RPS8: variants seen among roughly 807,000 people sequenced by gnomAD.
The protein encoded by RPS8 is small ribosomal subunit protein eS8.
For missense variants in RPS8, 141 were observed against 269.7 expected, an observed-to-expected ratio of 0.52 and a Z score of 3.34; for synonymous variants, 100 against 100.7, an observed-to-expected ratio of 0.99 and a Z score of 0.04.
At chr1:44,775,752 C>T (rs1335665296) in intron 1 of RPS8, 152 bp downstream of exon 1, 8 of 1,089,488 alleles carry the variant, frequency 7.3e-6, no homozygotes, top group Non-Finnish European at 9.8e-6. Context: ...GGCCGCCCAG[C>T]CCGTCTCTGG....
Position 44,778,740 on chromosome 1 carries a change from AT to A in RPS8, c.*58del. 2 of 1,208,716 alleles carry A rather than the reference AT, an allele frequency of 1.7e-6. No individual in the cohort carries two copies. Among genetic ancestry groups the A allele is most frequent in the Non-Finnish European group, 2.4e-6 (2 of 843,740 alleles). The allele number at this position is 1,208,716 out of a possible 1,614,324, so 74.9% of individuals were successfully genotyped here. A position where few individuals can be genotyped will look rare whatever the true frequency, so the allele number is the denominator to read the frequency against. ...AAGGTGTTTATTGTTTTGTTCCCAC[AT>A]TTATGTTGCCTGAATATATGACTGT... On this transcript the variant is annotated 3_prime_UTR_variant, in exon 6 of 6. Coordinates refer to ENST00000396651, the MANE Select transcript of RPS8 (RefSeq NM_001012.2).
At chr1:44,778,382 G>C in intron 5 of RPS8, 194 bp from the exon 6 acceptor site, 1 of 798,864 alleles carries the variant, frequency 1.3e-6, no homozygotes, top group Non-Finnish European at 2.3e-6. Context: ...CCCAGGCTGA[G>C]GGGGCTGTCT....
intron 3 of RPS8, chr1:44,777,067 G>A: frequency 3.2e-6 from 1 of 311,540 alleles, no homozygotes; most frequent in Non-Finnish European, 6.0e-6. Context: ...CTCCACCCAG[G>A]CTGTCCTGCT....
chr1:44,777,169 T>C, intron 3 of RPS8: 1 of 212,776 alleles, frequency 4.7e-6, no homozygotes, highest in Non-Finnish European at 9.5e-6. Context: ...CCTCCTGGGT[T>C]GAAGTGATTC....
At chr1:44,776,608 A>C in intron 2 of RPS8, 67 bp from the exon 3 acceptor site, 2 of 1,337,946 alleles carry the variant, frequency 1.5e-6, no homozygotes, top group Non-Finnish European at 2.2e-6. Flanking sequence ...CTCCCGGCCC[A>C]GGTTCCTCTC....
rs184816863 is a variant in RPS8, at chr1:44,776,628, C to A, written c.112-47C>A. 4,055 of 1,541,232 alleles carry A rather than the reference C, an allele frequency of 2.6e-3. 7 individuals are homozygous for A. Among genetic ancestry groups the A allele is most frequent in the Non-Finnish European group, 3.3e-3 (3,645 of 1,113,626 alleles). ...GGCCCAGGTTCCTCTCCCTCACTTGCCTTGCTCTCCTTGGTAACCTAGTTC... is the reference window on the plus strand; with the variant it reads ...GGCCCAGGTTCCTCTCCCTCACTTGACTTGCTCTCCTTGGTAACCTAGTTC... On this transcript the variant is annotated intron_variant, in intron 2 of 5. Coordinates refer to ENST00000396651, the MANE Select transcript of RPS8 (RefSeq NM_001012.2).
rs1207528311 is a variant in RPS8, at chr1:44,776,027, C to T, written c.5-7C>T. 1 of 1,612,694 alleles carries T rather than the reference C, an allele frequency of 6.2e-7. No homozygotes were observed. Among genetic ancestry groups the T allele is most frequent in the Non-Finnish European group, 8.5e-7 (1 of 1,179,204 alleles). On this transcript the variant is annotated splice_polypyrimidine_tract_variant and splice_region_variant and intron_variant, in intron 1 of 5. Coordinates refer to ENST00000396651, the MANE Select transcript of RPS8 (RefSeq NM_001012.2). ...GCTCAAGCTTCCTTCCCCGCTTCCA[C>T]ATGCAGGCATCTCTCGGGACAACTG...
chr1:44,778,289 G>A (rs1040037471), intron 5 of RPS8, 160 bp downstream of exon 5: 59 of 942,396 alleles, frequency 6.3e-5, no homozygotes, highest in East Asian at 3.9e-4. Context: ...CACCCTATTC[G>A]TATGAAGCTG....
At position 44,778,636 on chromosome 1, in the gene RPS8, A is replaced by G; in HGVS notation, c.578A>G (p.Lys193Arg). The G allele has an allele frequency of 6.2e-7, 1 of 1,613,532 alleles. No homozygotes were observed. Reference protein sequence around the residue: ...GRADGYVLEGKELEFYLRKIK... With the variant: ...GRADGYVLEGRELEFYLRKIK... ...GCAGATGGCTATGTGCTAGAGGGCAAAGAGTTGGAGTTCTATCTTAGGAAA... is the reference window on the plus strand; with the variant it reads ...GCAGATGGCTATGTGCTAGAGGGCAGAGAGTTGGAGTTCTATCTTAGGAAA... The change falls in exon 6 of 6, where the codon AAA (lysine) becomes AGA (arginine). Residue 193 changes from lysine (K) to arginine (R), a missense_variant. Lys to Arg is a conservative substitution (Grantham distance 26, BLOSUM62 2). Transcript: ENST00000396651.
chr1:44,777,245 A>AT (rs529075784), intron 3 of RPS8: 20 of 221,436 alleles, frequency 9.0e-5, no homozygotes, highest in Admixed American at 7.9e-4. Context: ...CTGCTTCTGT[A>AT]TTTTTAGTAG....
At position 44,778,092 on chromosome 1, in the gene RPS8, T is replaced by C. The variant is rs746530760; in HGVS notation, c.480T>C (p.Ser160=). The C allele has an allele frequency of 6.2e-7, 1 of 1,603,414 alleles. No homozygotes were observed. Among genetic ancestry groups the C allele is most frequent in the South Asian group, 1.1e-5 (1 of 90,016 alleles). The change falls in exon 5 of 6, where the codon AGT becomes AGC. Residue 160 remains serine (S), a synonymous_variant. Transcript: ENST00000396651. ...GGAAAAAGAATGCCAAAATCAGCAG[T>C]CTCCTGGAGGAGCAGTTCCAGCAGG... The part of the protein sequence containing the change: ...DERKKNAKIS[S]LLEEQFQQGK...
Position 44,777,596 on chromosome 1 carries a change from A to C in RPS8, c.212-18A>C. 1.2e-6 allele frequency: 2 copies of C among 1,607,418 alleles called. No individual in the cohort carries two copies. Among genetic ancestry groups the C allele is most frequent in the Non-Finnish European group, 1.7e-6 (2 of 1,175,114 alleles). On this transcript the variant is annotated intron_variant, in intron 3 of 5. Transcript: ENST00000396651. ...TTGTCCTCCAGTTTACTTGATGCCA[A>C]ATTTCTCCTGTGAGCAGGTTGTACT... is the stretch of plus-strand genomic sequence containing the variant.
At chr1:44,778,509 A>T in intron 5 of RPS8, 67 bp from the exon 6 acceptor site, 1 of 1,269,830 alleles carries the variant, frequency 7.9e-7, no homozygotes, top group Non-Finnish European at 1.2e-6. Context: ...AGAGATTCTT[A>T]AGCGGGTGGA....
intron 2 of RPS8, 30 bp downstream of exon 2, chr1:44,776,170 G>T (rs751388135): frequency 1.3e-6 from 2 of 1,506,728 alleles, no homozygotes; most frequent in African/African-American, 1.4e-5. Context: ...TGTCCGCCTG[G>T]GAGGTCGCCT....
chr1:44,778,640 G>A lies in RPS8; in HGVS notation c.582G>A (p.Glu194=), dbSNP rs1471259800. 6.2e-7 allele frequency: 1 copy of A among 1,613,420 alleles called. No individual in the cohort carries two copies. The highest frequency in any genetic ancestry group is 1.1e-5 in the South Asian group (1 of 91,054). Residue 194 remains glutamate, a synonymous_variant, in exon 6 of 6, where the codon GAG becomes GAA. Coordinates refer to ENST00000396651, the MANE Select transcript of RPS8 (RefSeq NM_001012.2). ...ATGGCTATGTGCTAGAGGGCAAAGAGTTGGAGTTCTATCTTAGGAAAATCA... is the reference window on the plus strand; with the variant it reads ...ATGGCTATGTGCTAGAGGGCAAAGAATTGGAGTTCTATCTTAGGAAAATCA... ...RADGYVLEGK[E]LEFYLRKIKA... is the part of the protein sequence containing the mutation.
chr1:44,778,396 T>C lies in RPS8; in HGVS notation c.518-180T>C, dbSNP rs1228737098. ...GCCCAGGCTGAGGGGGCTGTCTCAGTGATGAAAACTTTGTCCAGTTCTGCT... is the reference window on the plus strand; with the variant it reads ...GCCCAGGCTGAGGGGGCTGTCTCAGCGATGAAAACTTTGTCCAGTTCTGCT... On this transcript the variant is annotated intron_variant, in intron 5 of 5. Transcript: ENST00000396651. 6 of 805,890 alleles carry C rather than the reference T, an allele frequency of 7.4e-6. No homozygotes were observed. The South Asian group carries it at 8.1e-5, about 11-fold the overall frequency. 49.9% of individuals were successfully genotyped at this position (805,890 alleles called of 1,614,324 possible).
intron 5 of RPS8, 76 bp from the exon 6 acceptor site, chr1:44,778,498 CAG>C (rs750561795): frequency 1.5e-5 from 18 of 1,194,124 alleles, no homozygotes; most frequent in Non-Finnish European, 2.3e-5. Flanking sequence ...CCTGAACCCA[CAG>C]AGATTCTTAA....
intron 1 of RPS8, 108 bp downstream of exon 1, chr1:44,775,708 G>A: frequency 7.0e-7 from 1 of 1,437,862 alleles, no homozygotes; most frequent in Non-Finnish European, 9.8e-7. Context: ...CCCCGGCCAG[G>A]GACAGCCACG....
intron 2 of RPS8, chr1:44,776,381 T>A: frequency 1.4e-6 from 1 of 705,202 alleles, no homozygotes; most frequent in South Asian, 1.6e-5. Context: ...TGTGGGGACT[T>A]GAGCTTCTGG....
Sources: allele counts gnomAD v4.1 joint callset, GRCh38; gene constraint gnomAD v4.1.1; transcripts MANE v1.5; gene names NCBI Gene and HGNC (gene_info 2026-07-23, HGNC 2026-07-21).